ARHGAP17: variants seen among roughly 807,000 people sequenced by gnomAD.
ARHGAP17 encodes rho GTPase-activating protein 17.
In ARHGAP17, 57 loss-of-function variants were observed where a neutral mutation model predicts 99.5. That is an observed-to-expected ratio of 0.57 (90% confidence interval 0.46 to 0.71). ARHGAP17 has a LOEUF of 0.71. Ranked by LOEUF, ARHGAP17 falls within the 30% of genes least tolerant of loss-of-function variation. The pLI is 0.00. For synonymous variants in ARHGAP17, 417 were observed against 429.6 expected (o/e 0.97, Z 0.36); for missense variants, 1,000 against 1,122.4 (o/e 0.89, Z 1.56).
At chr16:25,013,321 G>A (rs201975290) in intron 1 of ARHGAP17, among the ~76,000 whole-genome samples, 6 of 152,232 alleles carry the variant, frequency 3.9e-5, no homozygotes, top group South Asian at 2.1e-4. Flanking sequence ...AAGCATGGCC[G>A]GAATTTTAAA....
chr16:24,943,793 A>C lies in ARHGAP17; in HGVS notation c.1311T>G (p.His437Gln). Residue 437 changes from histidine to glutamine, a missense_variant, in exon 15 of 20, where the codon CAT (histidine) becomes CAG (glutamine). Around this residue, in one of 2 missense-constraint regions of ARHGAP17, gnomAD observed 472 missense variants for 611.1 expected, o/e 0.77. Transcript: ENST00000289968. ...VVAVIEPIIQ[H>Q]ADWFFPEEVE... is the part of the protein sequence containing the mutation. ...TACCTTCAGGGAAGAACCAGTCGGC[A>C]TGCTGAATGATGGGTTCAATCACTG... The C allele has an allele frequency of 6.2e-7, 1 of 1,614,222 alleles. No individual in the cohort carries two copies. Among genetic ancestry groups the C allele is most frequent in the Non-Finnish European group, 8.5e-7 (1 of 1,180,032 alleles).
chr16:24,942,839 T>C (rs1183643358), intron 15 of ARHGAP17, among the ~76,000 whole-genome samples: 3 of 152,058 alleles, frequency 2.0e-5, no homozygotes, highest in African/African-American at 7.2e-5. Context: ...ATCAAGTTCA[T>C]ACTGCCTTTA....
At chr16:24,981,446 G>A (rs948558321) in intron 1 of ARHGAP17, among the ~76,000 whole-genome samples, 15 of 152,180 alleles carry the variant, frequency 9.9e-5, no homozygotes, top group Non-Finnish European at 1.8e-4. Flanking sequence ...TGAAAGGATG[G>A]GGGGAGCAGA....
intron 1 of ARHGAP17, among the ~76,000 whole-genome samples, chr16:24,980,595 T>C (rs772436203): frequency 2.7e-4 from 41 of 151,892 alleles, no homozygotes; most frequent in Non-Finnish European, 4.7e-4. Context: ...CAAACACAGG[T>C]AGTCATACCA....
intron 1 of ARHGAP17, among the ~76,000 whole-genome samples, chr16:25,003,267 C>T (rs1240007949): frequency 6.5e-5 from 8 of 123,202 alleles, no homozygotes; most frequent in African/African-American, 2.3e-4. Context: ...CAGGGTCTCA[C>T]TCTGTTGCCC....
chr16:24,982,133 G>A (rs2052691590), intron 1 of ARHGAP17, among the ~76,000 whole-genome samples: 1 of 151,840 alleles, frequency 6.6e-6, no homozygotes, highest in Non-Finnish European at 1.5e-5. Flanking sequence ...GTTGGGGGTG[G>A]TGGCTCACGC....
intron 1 of ARHGAP17, among the ~76,000 whole-genome samples, chr16:24,990,464 C>A (rs1260392227): frequency 6.6e-6 from 1 of 150,878 alleles, no homozygotes; most frequent in Non-Finnish European, 1.5e-5. Flanking sequence ...CCAGTCTGGG[C>A]ATCAAAGCAA....
At chr16:25,015,081 G>T in intron 1 of ARHGAP17, 128 bp downstream of exon 1, 1 of 943,716 alleles carries the variant, frequency 1.1e-6, no homozygotes, top group Non-Finnish European at 1.3e-6. Context: ...CCCGTGCCCC[G>T]CTGGTCTCGG....
At chr16:24,974,708 T>C (rs2141340682) in intron 3 of ARHGAP17, among the ~76,000 whole-genome samples, 1 of 152,122 alleles carries the variant, frequency 6.6e-6, no homozygotes, top group Middle Eastern at 3.4e-3. Flanking sequence ...GCTCAGGAGG[T>C]GACTACAACA....
chr16:24,985,190 A>C (rs766269951), intron 1 of ARHGAP17, among the ~76,000 whole-genome samples: 12 of 41,616 alleles, frequency 2.9e-4, no homozygotes, highest in Middle Eastern at 9.6e-3. Flanking sequence ...ATGCAACCCC[A>C]CACACACACA....
rs144922168 is a variant in ARHGAP17, at chr16:24,981,535, G to A, written c.54-2530C>T. ...CAGTAACTAATTTGATAACCCAAAC[G>A]ATAGTTTACACATATTACTTATAAT... On this transcript the variant is annotated intron_variant, in intron 1 of 19. Coordinates refer to ENST00000289968, the MANE Select transcript of ARHGAP17 (RefSeq NM_001006634.3). 7.7e-3 allele frequency among the ~76,000 whole-genome samples: 1,177 copies of A among 152,180 alleles called. 6 individuals carry two copies. The highest frequency in any genetic ancestry group is 0.012 in the Non-Finnish European group (783 of 68,006).
intron 18 of ARHGAP17, among the ~76,000 whole-genome samples, chr16:24,932,534 T>C (rs549344565): frequency 6.6e-6 from 1 of 152,142 alleles, no homozygotes; most frequent in South Asian, 2.1e-4. Flanking sequence ...TGACCCCTGA[T>C]CCCAAGCCAC....
chr16:24,925,501 A>G (rs978234875), intron 19 of ARHGAP17, among the ~76,000 whole-genome samples: 3 of 152,216 alleles, frequency 2.0e-5, no homozygotes, highest in African/African-American at 7.2e-5. Flanking sequence ...TCAGTTTTCT[A>G]GGGCTATTAG....
At chr16:24,925,086 A>C (rs974726679) in intron 19 of ARHGAP17, among the ~76,000 whole-genome samples, 3 of 152,124 alleles carry the variant, frequency 2.0e-5, no homozygotes, top group African/African-American at 7.2e-5. Context: ...TAGGGTGATT[A>C]AGAATGATGG....
At position 24,935,520 on chromosome 16, in the gene ARHGAP17, A is replaced by T; in HGVS notation, c.1844T>A (p.Met615Lys). 6.2e-7 allele frequency: 1 copy of T among 1,613,112 alleles called. No homozygotes were observed. The highest frequency in any genetic ancestry group is 1.1e-5 in the South Asian group (1 of 90,858). ...CCCTGCAGCATTGTGAGGTTGGCCC[A>T]TGGAGAGCTGGTGGGAGCCAGCAGC... is the stretch of plus-strand genomic sequence containing the variant. ...QAAAGSHQLS[M>K]GQPHNAAGPS... The change falls in exon 18 of 20, where the codon ATG becomes AAG. Residue 615 changes from methionine to lysine, a missense_variant. By Grantham distance (95) the Met-to-Lys change is moderately conservative. Transcript: ENST00000289968.
chr16:24,968,587 T>C (rs1301081241), intron 5 of ARHGAP17, 74 bp downstream of exon 5: 12 of 1,546,374 alleles, frequency 7.8e-6, no homozygotes, highest in Non-Finnish European at 8.0e-6. Flanking sequence ...CAGCAACTAC[T>C]GTTAAAATTT....
At chr16:25,012,629 C>A (rs1047637108) in intron 1 of ARHGAP17, among the ~76,000 whole-genome samples, 1 of 152,200 alleles carries the variant, frequency 6.6e-6, no homozygotes, top group South Asian at 2.1e-4. Flanking sequence ...CTCCAGCCTC[C>A]GTTTATCTTC....
At chr16:24,983,593 A>C (rs2052767587) in intron 1 of ARHGAP17, among the ~76,000 whole-genome samples, 2 of 152,226 alleles carry the variant, frequency 1.3e-5, no homozygotes, top group Non-Finnish European at 2.9e-5. Flanking sequence ...CACTGCGCCC[A>C]GCCTAGATTG....
chr16:24,966,444 C>T (rs2052183009), intron 6 of ARHGAP17, among the ~76,000 whole-genome samples: 1 of 152,120 alleles, frequency 6.6e-6, no homozygotes, highest in Admixed American at 6.5e-5. Context: ...ACCAGCCTGG[C>T]CAATGTGGTG....
Sources: allele counts gnomAD v4.1 joint callset (sites outside exome capture counted in the v4.1 genomes callset), GRCh38; gene constraint gnomAD v4.1.1; regional missense constraint gnomAD v4.1.1; transcripts MANE v1.5; gene names NCBI Gene and HGNC (gene_info 2026-07-23, HGNC 2026-07-21).